Variants in ARHGEF17 observed in about 807,000 individuals in gnomAD.
ARHGEF17 encodes 164 kDa Rho-specific guanine-nucleotide exchange factor.
In ARHGEF17, 80 loss-of-function variants were observed where a neutral mutation model predicts 174.0. The observed-to-expected ratio is 0.46, with a 90% CI of 0.38 to 0.55. ARHGEF17 has a LOEUF of 0.55. ARHGEF17 is among the 20% of genes least tolerant of loss of function. The pLI, the probability that ARHGEF17 is intolerant of heterozygous loss-of-function variation, is 0.00. For missense variants in ARHGEF17, 2,886 were observed against 2,839.7 expected, an observed-to-expected ratio of 1.02 and a Z score of -0.37; for synonymous variants, 1,311 against 1,189.1, an observed-to-expected ratio of 1.10 and a Z score of -2.11.
intron 1 of ARHGEF17, among the ~76,000 whole-genome samples, chr11:73,344,835 C>T (rs970727809): frequency 2.4e-4 from 37 of 152,204 alleles, no homozygotes; most frequent in African/African-American, 7.5e-4. Flanking sequence ...TCAGTCTGGG[C>T]GAGAACTCCA....
intron 7 of ARHGEF17, 116 bp from the exon 8 acceptor site, chr11:73,356,909 G>A (rs951043160): frequency 3.4e-6 from 5 of 1,487,538 alleles, no homozygotes; most frequent in Admixed American, 3.6e-5. Context: ...TCTCTGGGAA[G>A]CTGGGGAAGA....
rs565990800 is a variant in ARHGEF17 at position 73,326,175 on chromosome 11, G to A, written c.3192+14345G>A. 3.3e-5 allele frequency among the ~76,000 whole-genome samples: 5 copies of A among 152,304 alleles called. No homozygotes were observed. The Middle Eastern group carries it at 0.017, about 518-fold the overall frequency. On this transcript the variant is annotated intron_variant, in intron 1 of 20. Coordinates refer to ENST00000263674, the MANE Select transcript of ARHGEF17 (RefSeq NM_014786.4). ...CATCTGAGAACTGGGGGTCGAAGGAGGCCAAGAAGGGTGAGGGCAGGGAAG... is the reference window on the plus strand; with the variant it reads ...CATCTGAGAACTGGGGGTCGAAGGAAGCCAAGAAGGGTGAGGGCAGGGAAG...
Position 73,365,982 on chromosome 11 carries a change from A to G in ARHGEF17, c.5995+35A>G, listed in dbSNP as rs1239396901. 1.3e-6 allele frequency: 2 copies of G among 1,581,202 alleles called. No individual in the cohort carries two copies. On this transcript the variant is annotated intron_variant, in intron 20 of 20. Coordinates refer to ENST00000263674, the MANE Select transcript of ARHGEF17 (RefSeq NM_014786.4). This position sits in a 1 kb window ranked among gnomAD's most constrained non-coding sequence, Gnocchi z 4.9. ...TGCATCATACCCCAAGCTAGGGATC[A>G]TGGACATTTGGTTTAGGACTCCCCA...
intron 1 of ARHGEF17, among the ~76,000 whole-genome samples, chr11:73,325,029 G>T (rs1231612312): frequency 6.6e-6 from 1 of 152,172 alleles, no homozygotes; most frequent in Non-Finnish European, 1.5e-5. Context: ...AGTTTGGGAA[G>T]GTGGAGAGAT....
intron 1 of ARHGEF17, among the ~76,000 whole-genome samples, chr11:73,339,572 G>C (rs1865338154): frequency 6.6e-6 from 1 of 152,210 alleles, no homozygotes; most frequent in Non-Finnish European, 1.5e-5. Context: ...ACAGTGCCCA[G>C]ATGCAGGAGG....
At chr11:73,356,983 G>T (rs776391273) in intron 7 of ARHGEF17, 42 bp from the exon 8 acceptor site, 6 of 1,603,028 alleles carry the variant, frequency 3.7e-6, no homozygotes, top group Non-Finnish European at 2.6e-6. Context: ...TGGGCTTCTG[G>T]ACTGTGTCCA....
chr11:73,329,186 C>CTTTGTAT (rs1865150786), intron 1 of ARHGEF17, among the ~76,000 whole-genome samples: 1 of 150,578 alleles, frequency 6.6e-6, no homozygotes, highest in African/African-American at 2.4e-5. Context: ...CTTTGTGAAT[C>CTTTGTAT]CTTTTATCTG....
Position 73,362,493 on chromosome 11 carries a change from G to C in ARHGEF17, c.4755G>C (p.Glu1585Asp), listed in dbSNP as rs1865761416. ...PETAPEPAGP[E>D]LDVEAAADEE... is the part of the protein sequence containing the mutation. ...CGGCACCGGAGCCCGCCGGGCCGGA[G>C]CTGGACGTCGAGGCCGCTGCAGACG... Residue 1585 changes from glutamate (E) to aspartate (D), a missense_variant, in exon 14 of 21, where the codon GAG (glutamate) becomes GAC (aspartate). By Grantham distance (45) the Glu-to-Asp change is conservative (BLOSUM62 2). Transcript: ENST00000263674. 1 of 1,600,768 alleles carries C rather than the reference G, an allele frequency of 6.2e-7. No homozygotes were observed. The highest frequency in any genetic ancestry group is 2.2e-5 in the East Asian group (1 of 44,686).
chr11:73,334,108 A>G (rs1278776980), intron 1 of ARHGEF17, among the ~76,000 whole-genome samples: 2 of 152,220 alleles, frequency 1.3e-5, no homozygotes, highest in Middle Eastern at 3.2e-3. Context: ...AGACTTTGTT[A>G]TATGTCCCTT....
chr11:73,361,133 C>G lies in ARHGEF17; in HGVS notation c.4466C>G (p.Pro1489Arg). 6.2e-7 allele frequency: 1 copy of G among 1,614,096 alleles called. No homozygotes were observed. Among genetic ancestry groups the G allele is most frequent in the Admixed American group, 1.7e-5 (1 of 60,022 alleles). ...GACCCTGAGTTCCTGAAGGCCATCC[C>G]CATCATGAAAACCCGCAGTGGCATG... is the stretch of plus-strand genomic sequence containing the variant. ...CLDPEFLKAI[P>R]IMKTRSGMQF... The change falls in exon 12 of 21, where the codon CCC (proline) becomes CGC (arginine). Residue 1489 changes from proline (P) to arginine (R), a missense_variant. By Grantham distance (103) the Pro-to-Arg change is moderately radical (BLOSUM62 -2). Transcript: ENST00000263674.
chr11:73,310,668 A>C lies in ARHGEF17; in HGVS notation c.2030A>C (p.Gln677Pro), dbSNP rs949052094. Reference sequence around the variant, plus strand: ...CGACCTCTTTCCTCATCCTCGGCCCAGACGAACCACCATGGCCCTGGGACT... The same window carrying C: ...CGACCTCTTTCCTCATCCTCGGCCCCGACGAACCACCATGGCCCTGGGACT... The part of the protein sequence containing the change: ...MWRPLSSSSA[Q>P]TNHHGPGTED... The change falls in exon 1 of 21, where the codon CAG (glutamine) becomes CCG (proline). Residue 677 changes from glutamine to proline, a missense_variant. Around this residue, in one of 4 missense-constraint regions of ARHGEF17, gnomAD observed 1,728 missense variants for 1,461.2 expected, o/e 1.18. Transcript: ENST00000263674. 1.5e-5 allele frequency: 25 copies of C among 1,613,840 alleles called. No homozygotes were observed. The highest frequency in any genetic ancestry group is 2.1e-5 in the Non-Finnish European group (25 of 1,180,014).
chr11:73,362,298 C>G, intron 13 of ARHGEF17, 59 bp downstream of exon 13: 2 of 1,458,644 alleles, frequency 1.4e-6, no homozygotes, highest in African/African-American at 2.8e-5. Context: ...AACCCCTGTC[C>G]CAGCACACTC....
At chr11:73,339,546 G>A (rs531191929) in intron 1 of ARHGEF17, among the ~76,000 whole-genome samples, 2 of 152,326 alleles carry the variant, frequency 1.3e-5, no homozygotes, top group East Asian at 3.9e-4. Flanking sequence ...TGGAGGACCA[G>A]GTGGCCCCCA....
intron 1 of ARHGEF17, among the ~76,000 whole-genome samples, chr11:73,318,522 C>T (rs1015448747): frequency 1.3e-5 from 2 of 151,964 alleles, no homozygotes; most frequent in African/African-American, 4.8e-5. Context: ...TCCCGCTACT[C>T]GAGAGGCTGA....
intron 1 of ARHGEF17, among the ~76,000 whole-genome samples, chr11:73,328,203 G>A (rs982527428): frequency 1.3e-5 from 2 of 152,178 alleles, no homozygotes; most frequent in Admixed American, 6.5e-5. Context: ...TTTGGTAGGG[G>A]GATGAGCTGA....
chr11:73,350,743 C>T (rs1325658498), intron 2 of ARHGEF17, among the ~76,000 whole-genome samples: 3 of 152,228 alleles, frequency 2.0e-5, no homozygotes, highest in Non-Finnish European at 4.4e-5. Flanking sequence ...AGCTAACAAA[C>T]GCCCCTTCCC....
chr11:73,323,438 CAA>C (rs1316841115), intron 1 of ARHGEF17, among the ~76,000 whole-genome samples: 1 of 152,200 alleles, frequency 6.6e-6, no homozygotes, highest in East Asian at 1.9e-4. Flanking sequence ...TAGTCAGAGA[CAA>C]AGAACCTTGT....
At chr11:73,351,954 T>C (rs774928163) in intron 2 of ARHGEF17, among the ~76,000 whole-genome samples, 1 of 152,230 alleles carries the variant, frequency 6.6e-6, no homozygotes, top group Non-Finnish European at 1.5e-5. Context: ...TCTTCGCGTT[T>C]TAATATCCCT....
At chr11:73,333,669 TC>T (rs1254865180) in intron 1 of ARHGEF17, among the ~76,000 whole-genome samples, 1 of 152,048 alleles carries the variant, frequency 6.6e-6, no homozygotes, top group Non-Finnish European at 1.5e-5. Context: ...GAACTTACTC[TC>T]CCCTCAGAGT....
Sources: gnomAD v4.1 joint callset for allele counts (sites outside exome capture counted in the v4.1 genomes callset) on GRCh38, gnomAD v4.1.1 for gene constraint, gnomAD v4.1.1 regional missense constraint, Gnocchi (gnomAD v3.1) non-coding constraint, MANE v1.5 for transcripts, NCBI Gene and HGNC (gene_info 2026-07-23, HGNC 2026-07-21) for gene names.